ATP8A2: variants seen among roughly 807,000 people sequenced by gnomAD.
ATP8A2 encodes ATPase phospholipid transporting 8A2, also known as phospholipid-transporting ATPase IB.
A neutral mutation model predicts 165.6 loss-of-function variants in ATP8A2; 100 were observed. The ratio of observed to expected loss-of-function variants is 0.60; its 90% CI spans 0.51 to 0.71. The LOEUF (loss-of-function observed/expected upper bound fraction) is 0.71, where lower values mean the gene tolerates loss of function less well. ATP8A2 is among the 30% of genes least tolerant of loss of function. The pLI is 0.00. For synonymous variants in ATP8A2, 543 were observed against 548.8 expected, an observed-to-expected ratio of 0.99 and a Z score of 0.15; for missense variants, 1,227 against 1,479.5, an observed-to-expected ratio of 0.83 and a Z score of 2.80.
chr13:25,622,080 C>A (rs752773451), intron 24 of ATP8A2, among the ~76,000 whole-genome samples: 1 of 151,998 alleles, frequency 6.6e-6, no homozygotes, highest in Non-Finnish European at 1.5e-5. Flanking sequence ...GTGGTGCGCA[C>A]CTGTAATCCC....
chr13:25,589,785 G>GT, intron 24 of ATP8A2, 86 bp downstream of exon 24: 1 of 829,928 alleles, frequency 1.2e-6, no homozygotes, highest in Non-Finnish European at 1.9e-6. Flanking sequence ...CAGGGATCAT[G>GT]TTTTGCTAAA....
chr13:26,013,429 C>T (rs1956891375), intron 36 of ATP8A2, among the ~76,000 whole-genome samples: 2 of 152,196 alleles, frequency 1.3e-5, no homozygotes. Context: ...AATCCTAGAA[C>T]TTTCGGAGGC....
chr13:25,596,726 G>T (rs761701509), intron 24 of ATP8A2, among the ~76,000 whole-genome samples: 3 of 152,138 alleles, frequency 2.0e-5, no homozygotes, highest in Non-Finnish European at 4.4e-5. Flanking sequence ...TGCTGTAAGG[G>T]TTTTGTTCTG....
intron 35 of ATP8A2, among the ~76,000 whole-genome samples, chr13:26,008,752 G>A: frequency 6.6e-6 from 1 of 152,224 alleles, no homozygotes; most frequent in East Asian, 1.9e-4. Context: ...AAACTGAGTA[G>A]CCTTCAGTGC....
chr13:25,687,567 T>C (rs771805401), intron 24 of ATP8A2, among the ~76,000 whole-genome samples: 5 of 152,116 alleles, frequency 3.3e-5, no homozygotes, highest in Non-Finnish European at 7.4e-5. Flanking sequence ...AAGAGCCAGC[T>C]CTCTCTCCAT....
At chr13:25,636,202 C>A (rs1393549400) in intron 24 of ATP8A2, among the ~76,000 whole-genome samples, 1 of 152,158 alleles carries the variant, frequency 6.6e-6, no homozygotes, top group African/African-American at 2.4e-5. Flanking sequence ...TTGTCTCAAA[C>A]AACTTAGTGT....
At chr13:25,415,543 T>G (rs1388158449) in intron 1 of ATP8A2, among the ~76,000 whole-genome samples, 4 of 152,240 alleles carry the variant, frequency 2.6e-5, no homozygotes, top group African/African-American at 9.6e-5. Context: ...GTGGCTTTTT[T>G]AGTTTTATGT....
At chr13:25,480,177 C>T (rs2036127091) in intron 2 of ATP8A2, among the ~76,000 whole-genome samples, 1 of 142,670 alleles carries the variant, frequency 7.0e-6, no homozygotes, top group South Asian at 2.2e-4. Flanking sequence ...GGCTGACCCC[C>T]CCACCTCCCT....
intron 33 of ATP8A2, among the ~76,000 whole-genome samples, chr13:25,886,957 C>A (rs1420497957): frequency 6.6e-6 from 1 of 152,100 alleles, no homozygotes; most frequent in Non-Finnish European, 1.5e-5. Flanking sequence ...GCTAGCTGAC[C>A]CAGAACACTT....
chr13:25,588,240 A>G (rs1025327295), intron 23 of ATP8A2, among the ~76,000 whole-genome samples: 1 of 152,198 alleles, frequency 6.6e-6, no homozygotes. Flanking sequence ...CTTAGGAAGG[A>G]TGTACTTTCT....
chr13:25,578,445 G>T (rs1198338399), intron 20 of ATP8A2, among the ~76,000 whole-genome samples: 1 of 152,180 alleles, frequency 6.6e-6, no homozygotes, highest in African/African-American at 2.4e-5. Context: ...GATTGTACTT[G>T]AGTAATTTGG....
chr13:25,498,836 C>G (rs767659758), intron 2 of ATP8A2, among the ~76,000 whole-genome samples: 1 of 152,146 alleles, frequency 6.6e-6, no homozygotes, highest in African/African-American at 2.4e-5. Flanking sequence ...GATTAAATAA[C>G]AAGCCTGGGG....
Position 25,560,167 on chromosome 13 carries a change from G to A in ATP8A2, c.1397+402G>A, listed in dbSNP as rs1186065961. ...TAGCATTTCTCACCTGCCTATTTTT[G>A]TATGTAAATAAAAGTTGCATATATG... On this transcript the variant is annotated intron_variant, in intron 15 of 36. Transcript: ENST00000381655. Among the ~76,000 whole-genome samples the A allele has an allele frequency of 3.9e-5, 6 of 151,962 alleles. No homozygotes were observed. In the South Asian group the frequency reaches 1.2e-3, roughly 32 times the overall value.
intron 27 of ATP8A2, 36 bp downstream of exon 27, chr13:25,774,995 T>G: frequency 8.1e-7 from 1 of 1,228,732 alleles, no homozygotes; most frequent in Non-Finnish European, 1.2e-6. Flanking sequence ...GAAGAGAAAG[T>G]TCTTTTAAGA....
intron 24 of ATP8A2, among the ~76,000 whole-genome samples, chr13:25,696,705 A>G (rs1176424899): frequency 6.6e-6 from 1 of 152,218 alleles, no homozygotes; most frequent in Admixed American, 6.5e-5. Context: ...TTAGGCTTTG[A>G]TTTAAGGGAA....
intron 24 of ATP8A2, among the ~76,000 whole-genome samples, chr13:25,641,124 T>C (rs1453722920): frequency 6.6e-6 from 1 of 152,168 alleles, no homozygotes; most frequent in East Asian, 1.9e-4. Context: ...AAGAGCTGTT[T>C]ATGACAAACC....
At chr13:25,442,624 C>T (rs1290420406) in intron 1 of ATP8A2, among the ~76,000 whole-genome samples, 1 of 152,116 alleles carries the variant, frequency 6.6e-6, no homozygotes, top group East Asian at 1.9e-4. Flanking sequence ...CTTGCTATGT[C>T]GTCCAGGCTG....
chr13:25,778,378 A>G (rs1486533405), intron 27 of ATP8A2, among the ~76,000 whole-genome samples: 3 of 152,212 alleles, frequency 2.0e-5, no homozygotes, highest in African/African-American at 7.2e-5. Context: ...AAGCCAAAAT[A>G]ACTATTGGTT....
intron 2 of ATP8A2, among the ~76,000 whole-genome samples, chr13:25,502,373 T>G (rs985439813): frequency 6.6e-6 from 1 of 152,248 alleles, no homozygotes; most frequent in Admixed American, 6.5e-5. Flanking sequence ...CTCATCATCA[T>G]GTCATTGGGA....
Sources: allele counts gnomAD v4.1 joint callset (sites outside exome capture counted in the v4.1 genomes callset), GRCh38; gene constraint gnomAD v4.1.1; transcripts MANE v1.5; gene names NCBI Gene and HGNC (gene_info 2026-07-23, HGNC 2026-07-21).